The following PLOD2 variants were observed in gnomAD, a reference collection of about 807,000 sequenced individuals.
The protein encoded by PLOD2 is procollagen-lysine,2-oxoglutarate 5-dioxygenase 2.
PLOD2 carries 65 observed loss-of-function variants against 101.0 expected under a neutral mutation model. That is an observed-to-expected ratio of 0.64 (90% CI 0.53 to 0.79). The LOEUF is 0.79. Among genes scored for constraint, PLOD2 ranks in the 30% least tolerant of loss-of-function variants. The pLI, the probability that PLOD2 is intolerant of heterozygous loss-of-function variation, is 0.00. For missense variants in PLOD2, 909 were observed against 914.6 expected, an observed-to-expected ratio of 0.99 and a Z score of 0.08; for synonymous variants, 314 against 302.9, an observed-to-expected ratio of 1.04 and a Z score of -0.38.
intron 2 of PLOD2, among the ~76,000 whole-genome samples, chr3:146,121,681 C>A (rs1417751369): frequency 6.6e-6 from 1 of 151,974 alleles, no homozygotes; most frequent in Non-Finnish European, 1.5e-5. Context: ...CCTACTGAAC[C>A]AAAATGGGTT....
rs780560890 is a variant in PLOD2 at position 146,091,784 on chromosome 3, A to T, written c.879+16T>A. 4.4e-6 allele frequency: 6 copies of T among 1,355,370 alleles called. No individual in the cohort carries two copies. The East Asian group carries it at 1.4e-4, about 31-fold the overall frequency. The allele number at this position is 1,355,370 out of a possible 1,614,324, so 84.0% of individuals were successfully genotyped here. A position where few individuals can be genotyped will look rare whatever the true frequency, so the allele number is the denominator to read the frequency against. On this transcript the variant is annotated intron_variant, in intron 8 of 19. Coordinates refer to ENST00000282903, the MANE Select transcript of PLOD2 (RefSeq NM_182943.3). ...CTTTCTATTACTACATTTCACACAT[A>T]ATCAATTCCACTTACATCTACTGCA...
chr3:146,093,994 TTATCCACCATCA>T (rs1168353008), intron 7 of PLOD2, among the ~76,000 whole-genome samples: 1 of 152,104 alleles, frequency 6.6e-6, no homozygotes, highest in East Asian at 1.9e-4. Context: ...CAGGCAGAGG[TTATCCACCATCA>T]CCACCCCCCA....
intron 15 of PLOD2, chr3:146,076,035 C>T (rs1282762173): frequency 6.6e-6 from 1 of 151,442 alleles, no homozygotes; most frequent in African/African-American, 2.4e-5. Context: ...ATGACTGATC[C>T]CATCACCAAG....
At chr3:146,083,774 C>G (rs957284900) in intron 11 of PLOD2, among the ~76,000 whole-genome samples, 1 of 151,430 alleles carries the variant, frequency 6.6e-6, no homozygotes, top group East Asian at 2.0e-4. Flanking sequence ...GTAGAGATGG[C>G]GTTTCACTGT....
chr3:146,101,453 G>A (rs1937386348), intron 7 of PLOD2, among the ~76,000 whole-genome samples: 1 of 152,210 alleles, frequency 6.6e-6, no homozygotes, highest in Non-Finnish European at 1.5e-5. Context: ...CATCGTGGAA[G>A]CAAAGGGAAG....
Position 146,121,128 on chromosome 3 carries a change from C to T in PLOD2, c.322G>A (p.Val108Ile), listed in dbSNP as rs371743524. 5.8e-5 allele frequency: 93 copies of T among 1,606,536 alleles called. No homozygotes were observed. Among genetic ancestry groups the T allele is most frequent in the Non-Finnish European group, 7.4e-5 (87 of 1,173,454 alleles). Residue 108 changes from valine (V) to isoleucine (I), a missense_variant, in exon 3 of 20, where the codon GTC (valine) becomes ATC (isoleucine). Val to Ile is a conservative substitution (Grantham distance 29). Coordinates refer to ENST00000282903, the MANE Select transcript of PLOD2 (RefSeq NM_182943.3). ...EHYADQDDLV[V>I]MFTECFDVIF... ...TTCTCCTACCATTCAGTAAACATGA[C>T]AACCAGATCATCTTGATCAGCATAG...
In PLOD2 at chr3:146,076,825, G is replaced by A; in HGVS notation, c.1634C>T (p.Ser545Phe). 6.3e-7 allele frequency: 1 copy of A among 1,587,992 alleles called. No individual in the cohort carries two copies. The highest frequency in any genetic ancestry group is 8.6e-7 in the Non-Finnish European group (1 of 1,157,890). ...CTGCCAGAGGTCATTGTTATAATGGGAAGTATTGTAATTAGCAGTGGATAA... is the reference window on the plus strand; with the variant it reads ...CTGCCAGAGGTCATTGTTATAATGGAAAGTATTGTAATTAGCAGTGGATAA... ...RLLSTANYNT[S>F]HYNNDLWQIF... The change falls in exon 15 of 20, where the codon TCC (serine) becomes TTC (phenylalanine). Residue 545 changes from serine to phenylalanine, a missense_variant. Coordinates refer to ENST00000282903, the MANE Select transcript of PLOD2 (RefSeq NM_182943.3).
At chr3:146,085,567 GCATA>G (rs760664729) in intron 10 of PLOD2, 359 of 461,948 alleles carry the variant, frequency 7.8e-4, no homozygotes, top group East Asian at 1.3e-3. Flanking sequence ...AAATGTTTCT[GCATA>G]CATACATACA....
chr3:146,139,891 C>T (rs2031438532), intron 1 of PLOD2, among the ~76,000 whole-genome samples: 1 of 152,190 alleles, frequency 6.6e-6, no homozygotes, highest in African/African-American at 2.4e-5. Context: ...TGCCTTCCTC[C>T]CTTTCTCTTT....
intron 7 of PLOD2, among the ~76,000 whole-genome samples, chr3:146,096,878 GGT>G (rs1937189821): frequency 2.8e-5 from 2 of 70,782 alleles, no homozygotes; most frequent in Admixed American, 1.2e-4. Flanking sequence ...CCGGGAGGGA[GGT>G]GGGGGGGGGG....
At chr3:146,154,901 T>G (rs1576633603) in intron 1 of PLOD2, among the ~76,000 whole-genome samples, 1 of 152,300 alleles carries the variant, frequency 6.6e-6, no homozygotes, top group East Asian at 1.9e-4. Flanking sequence ...AAAGTACACT[T>G]CCCTCTTTTA....
rs536415937 is a variant in PLOD2, at chr3:146,085,350, T to TA, written c.1128-78_1128-77insT. 1,394 of 764,990 alleles carry TA rather than the reference T, an allele frequency of 1.8e-3. 15 individuals are homozygous for TA. The African/African-American group carries it at 0.021, about 12-fold the overall frequency. 47.4% of individuals were successfully genotyped at this position (764,990 alleles called of 1,614,324 possible). A position where few individuals can be genotyped will look rare whatever the true frequency, so the allele number is the denominator to read the frequency against. On this transcript the variant is annotated intron_variant, in intron 10 of 19. Coordinates refer to ENST00000282903, the MANE Select transcript of PLOD2 (RefSeq NM_182943.3). ...TGACTGAAAAATGTTAATATATATATTCTTTTATGTAAAATATGGTTCTCT... is the reference window on the plus strand; with the variant it reads ...TGACTGAAAAATGTTAATATATATATATCTTTTATGTAAAATATGGTTCTCT...
chr3:146,137,988 T>G (rs901142637), intron 1 of PLOD2, among the ~76,000 whole-genome samples: 2 of 152,062 alleles, frequency 1.3e-5, no homozygotes, highest in East Asian at 3.9e-4. Flanking sequence ...ATGAGAATAT[T>G]TTGCTAGTCA....
chr3:146,156,086 T>A (rs1217795218), intron 1 of PLOD2, among the ~76,000 whole-genome samples: 1 of 152,180 alleles, frequency 6.6e-6, no homozygotes. Flanking sequence ...CCAAAGAACA[T>A]GTCTTGATAG....
rs1239956129 is a variant in PLOD2, at chr3:146,110,361, T to C, written c.426A>G (p.Gly142=). 3.7e-6 allele frequency: 6 copies of C among 1,613,684 alleles called. No individual in the cohort carries two copies. The Middle Eastern group carries it at 4.9e-4, about 133-fold the overall frequency. ...ANHKVVFAAD[G]ILWPDKRLAD... ...CTAGTCTTTTATCTGGCCACAAAAT[T>C]CCATCTGCTGCAAAGACCACTTTGT... The change falls in exon 4 of 20, where the codon GGA becomes GGG. Residue 142 remains glycine (G), a synonymous_variant. Transcript: ENST00000282903.
intron 1 of PLOD2, among the ~76,000 whole-genome samples, chr3:146,127,073 T>A (rs1336408158): frequency 6.6e-6 from 1 of 152,212 alleles, no homozygotes; most frequent in East Asian, 1.9e-4. Context: ...CAGTTACTCA[T>A]TGTTGCATAC....
At chr3:146,088,909 A>G (rs1936880203) in intron 8 of PLOD2, 198 bp from the exon 9 acceptor site, 1 of 559,864 alleles carries the variant, frequency 1.8e-6, no homozygotes, top group Non-Finnish European at 3.2e-6. Flanking sequence ...AAGTGATTTT[A>G]CTGAATCCCA....
At chr3:146,078,890 T>G (rs1033441269) in intron 13 of PLOD2, among the ~76,000 whole-genome samples, 2 of 151,948 alleles carry the variant, frequency 1.3e-5, no homozygotes, top group Non-Finnish European at 2.9e-5. Context: ...CTCGGTTGCC[T>G]ATGAATTAGC....
intron 1 of PLOD2, among the ~76,000 whole-genome samples, chr3:146,143,820 AG>A (rs1274347974): frequency 1.3e-5 from 2 of 152,106 alleles, no homozygotes; most frequent in African/African-American, 4.8e-5. Flanking sequence ...AATTTTTTTA[AG>A]GGTTTACCTC....
Sources: gnomAD v4.1 joint callset for allele counts (sites outside exome capture counted in the v4.1 genomes callset) on GRCh38, gnomAD v4.1.1 for gene constraint, MANE v1.5 for transcripts, NCBI Gene and HGNC (gene_info 2026-07-23, HGNC 2026-07-21) for gene names.